Variants in PRDM11 observed in about 807,000 individuals in gnomAD.
PRDM11 encodes the protein PR domain-containing protein 11.
In PRDM11, 20 loss-of-function variants were observed where a neutral mutation model predicts 97.8. The ratio of observed to expected loss-of-function variants is 0.20; its 90% CI spans 0.14 to 0.30. The LOEUF (loss-of-function observed/expected upper bound fraction) is 0.30, where lower values mean the gene tolerates loss of function less well. Ranked by LOEUF, PRDM11 falls within the 10% of genes least tolerant of loss-of-function variation. PRDM11 has a pLI of 1.00. For synonymous variants in PRDM11, 599 were observed against 637.7 expected (o/e 0.94, Z 0.91); for missense variants, 1,139 against 1,555.2 (o/e 0.73, Z 4.50).
rs373776108 is a variant in PRDM11 at position 45,128,944 on chromosome 11, C to T, written c.96+33043C>T. Among the ~76,000 whole-genome samples, 29 of 152,164 alleles carry T rather than the reference C, an allele frequency of 1.9e-4. No individual in the cohort carries two copies. The East Asian group carries it at 2.7e-3, about 14-fold the overall frequency. On this transcript the variant is annotated intron_variant, in intron 1 of 6. Transcript: ENST00000530656. ...CTAACTAAAATATTAGCAAATCAAA[C>T]GTAGTGACATACAAAAATTATATAT...
rs146707862 is a variant in PRDM11 at position 45,166,687 on chromosome 11, A to G, written c.-6-15074A>G. On this transcript the variant is annotated intron_variant, in intron 1 of 7. Transcript: ENST00000683152. Reference sequence around the variant, plus strand: ...TGTGAACACAGAAGAGTGAGTGAACAGATAATGCTTCACAGAGTATGTAAA... The same window carrying G: ...TGTGAACACAGAAGAGTGAGTGAACGGATAATGCTTCACAGAGTATGTAAA... 7.2e-5 allele frequency among the ~76,000 whole-genome samples: 11 copies of G among 152,384 alleles called. No individual in the cohort carries two copies. The East Asian group carries it at 1.7e-3, about 24-fold the overall frequency.
chr11:45,159,323 G>C (rs1851877292), intron 1 of PRDM11, among the ~76,000 whole-genome samples: 1 of 152,218 alleles, frequency 6.6e-6, no homozygotes, highest in Admixed American at 6.5e-5. Flanking sequence ...CAGCAGTCTG[G>C]CTGCTTCTGG....
At chr11:45,119,632 A>C (rs1565235125) in intron 1 of PRDM11, among the ~76,000 whole-genome samples, 2 of 138,190 alleles carry the variant, frequency 1.4e-5, no homozygotes, top group Admixed American at 8.0e-5. Flanking sequence ...AAAAAAAAAA[A>C]AAAAAAAAAA....
intron 1 of PRDM11, among the ~76,000 whole-genome samples, chr11:45,170,106 G>A (rs1210779455): frequency 6.6e-6 from 1 of 152,170 alleles, no homozygotes; most frequent in African/African-American, 2.4e-5. Flanking sequence ...ACTTTGGGAG[G>A]CTGAGGCGGG....
intron 1 of PRDM11, among the ~76,000 whole-genome samples, chr11:45,148,344 C>T (rs1383193398): frequency 1.3e-5 from 2 of 152,170 alleles, no homozygotes; most frequent in Admixed American, 6.5e-5. Flanking sequence ...ACCTGCCCGG[C>T]AAGGAAGTTG....
At position 45,126,147 on chromosome 11, in the gene PRDM11, T is replaced by C. The variant is rs529810651; in HGVS notation, c.96+30246T>C. Among the ~76,000 whole-genome samples the C allele has an allele frequency of 4.6e-5, 7 of 152,266 alleles. No homozygotes were observed. The South Asian group carries it at 8.3e-4, about 18-fold the overall frequency. ...GTTTAAAGTCTGTTTTATCAGAGACTAGGATTGCAACCCCTGCCTTTTTTT... is the reference window on the plus strand; with the variant it reads ...GTTTAAAGTCTGTTTTATCAGAGACCAGGATTGCAACCCCTGCCTTTTTTT... On this transcript the variant is annotated intron_variant, in intron 1 of 6. Coordinates refer to the PRDM11 transcript ENST00000530656.
At chr11:45,152,818 C>T (rs577645126) in intron 1 of PRDM11, among the ~76,000 whole-genome samples, 23 of 152,196 alleles carry the variant, frequency 1.5e-4, no homozygotes, top group African/African-American at 4.6e-4. Flanking sequence ...CTGAGCCCTC[C>T]GGCCTAACCC....
intron 1 of PRDM11, among the ~76,000 whole-genome samples, chr11:45,101,584 A>C (rs542443791): frequency 6.6e-6 from 1 of 151,466 alleles, no homozygotes; most frequent in African/African-American, 2.4e-5. Context: ...AAGAAGAAGA[A>C]GAAGAAGAAG....
chr11:45,224,486 C>A lies in PRDM11; in HGVS notation c.1012C>A (p.Gln338Lys). ...SLVIRKVPKY[Q>K]DDAYSQCATT... ...GGTCATCAGGAAAGTCCCCAAATAC[C>A]AGGATGACGCCTACAGTCAGTGTGC... Residue 338 changes from glutamine to lysine, a missense_variant, in exon 7 of 8, where the codon CAG becomes AAG. Gln to Lys is a moderately conservative substitution (Grantham distance 53). Coordinates refer to ENST00000683152, the MANE Select transcript of PRDM11 (RefSeq NM_001384648.1). 1 of 1,614,172 alleles carries A rather than the reference C, an allele frequency of 6.2e-7. No individual in the cohort carries two copies. Among genetic ancestry groups the A allele is most frequent in the Non-Finnish European group, 8.5e-7 (1 of 1,180,034 alleles).
At chr11:45,161,585 C>T (rs1838939007) in intron 1 of PRDM11, among the ~76,000 whole-genome samples, 4 of 152,242 alleles carry the variant, frequency 2.6e-5, no homozygotes, top group Admixed American at 2.6e-4. Context: ...CTCCCTTGGC[C>T]TGCAGGGTGG....
intron 1 of PRDM11, among the ~76,000 whole-genome samples, chr11:45,167,529 G>A (rs1852093671): frequency 6.6e-6 from 1 of 152,152 alleles, no homozygotes; most frequent in Non-Finnish European, 1.5e-5. Flanking sequence ...AGGGCTGAGG[G>A]CTCAGCAGCT....
At chr11:45,108,955 T>C (rs1467957669) in intron 1 of PRDM11, among the ~76,000 whole-genome samples, 1 of 152,270 alleles carries the variant, frequency 6.6e-6, no homozygotes. Flanking sequence ...TTTCCATTTT[T>C]GTTTAAATCT....
intron 1 of PRDM11, among the ~76,000 whole-genome samples, chr11:45,117,154 G>T (rs907130264): frequency 2.7e-5 from 4 of 148,104 alleles, no homozygotes; most frequent in African/African-American, 1.0e-4. Context: ...AACCTGGGAG[G>T]CAGGTTGCAA....
chr11:45,097,153 C>G (rs919036025), intron 1 of PRDM11, among the ~76,000 whole-genome samples: 2 of 152,196 alleles, frequency 1.3e-5, no homozygotes, highest in African/African-American at 4.8e-5. Flanking sequence ...CCCATACCTC[C>G]AACTTCAGCA....
At chr11:45,212,297 C>T (rs935850794) in intron 5 of PRDM11, among the ~76,000 whole-genome samples, 5 of 152,150 alleles carry the variant, frequency 3.3e-5, no homozygotes, top group Non-Finnish European at 5.9e-5. Context: ...TGGGCCCACG[C>T]ACCTCAGGGA....
chr11:45,169,917 T>G (rs1852161299), intron 1 of PRDM11, among the ~76,000 whole-genome samples: 1 of 152,246 alleles, frequency 6.6e-6, no homozygotes, highest in Non-Finnish European at 1.5e-5. Flanking sequence ...CACCAGGCAC[T>G]GCTCTAGTTT....
chr11:45,118,936 C>T (rs927422630), intron 1 of PRDM11, among the ~76,000 whole-genome samples: 6 of 152,126 alleles, frequency 3.9e-5, no homozygotes, highest in South Asian at 2.1e-4. Context: ...TGAAATAGTC[C>T]GTTTTGGGCA....
chr11:45,227,539 G>A lies in PRDM11; in HGVS notation c.2914G>A (p.Ala972Thr). 4 of 1,533,894 alleles carry A rather than the reference G, an allele frequency of 2.6e-6. No individual in the cohort carries two copies. The highest frequency in any genetic ancestry group is 3.5e-6 in the Non-Finnish European group (4 of 1,146,746). Residue 972 changes from alanine to threonine, a missense_variant, in exon 8 of 8, where the codon GCT becomes ACT. Ala to Thr is a moderately conservative substitution (Grantham distance 58). This residue lies in a region of PRDM11 where 710 missense variants were observed against 1,044.9 expected (regional missense o/e 0.68). Coordinates refer to ENST00000683152, the MANE Select transcript of PRDM11 (RefSeq NM_001384648.1). This position sits in a 1 kb window ranked among gnomAD's most constrained non-coding sequence, Gnocchi z 8.0. ...KICQKTQVIL[A>T]QRFDSRSRIF... ...CTGCCAGAAGACCCAGGTCATCCTG[G>A]CTCAGAGGTTCGACTCCCGCAGCCG...
Position 45,227,024 on chromosome 11 carries a change from G to A in PRDM11, c.2399G>A (p.Arg800His), listed in dbSNP as rs1338540990. ...QLLSFYRYSPRLMCELRSTAA... is the reference protein window; with the variant it reads ...QLLSFYRYSPHLMCELRSTAA... ...CTGAGCTTCTACCGCTACTCACCGC[G>A]CCTCATGTGCGAGCTGCGGTCCACG... is the stretch of plus-strand genomic sequence containing the variant. The change falls in exon 8 of 8, where the codon CGC becomes CAC. Residue 800 changes from arginine to histidine, a missense_variant. Arg to His is a conservative substitution (Grantham distance 29). This residue lies in a region of PRDM11 where 710 missense variants were observed against 1,044.9 expected (regional missense o/e 0.68). Coordinates refer to ENST00000683152, the MANE Select transcript of PRDM11 (RefSeq NM_001384648.1). The surrounding 1 kb of genome is among the most constrained non-coding windows in gnomAD (Gnocchi z 8.0). The A allele has an allele frequency of 1.1e-5, 17 of 1,533,822 alleles. No homozygotes were observed. The highest frequency in any genetic ancestry group is 4.1e-5 in the African/African-American group (3 of 72,974).
Sources: gnomAD v4.1 joint callset for allele counts (sites outside exome capture counted in the v4.1 genomes callset) on GRCh38, gnomAD v4.1.1 for gene constraint, gnomAD v4.1.1 regional missense constraint, Gnocchi (gnomAD v3.1) non-coding constraint, MANE v1.5 for transcripts, NCBI Gene and HGNC (gene_info 2026-07-23, HGNC 2026-07-21) for gene names.